ATP6V0A4: variants seen among roughly 807,000 people sequenced by gnomAD.
ATP6V0A4 encodes V-type proton ATPase 116 kDa subunit a 4.
A neutral mutation model predicts 107.3 loss-of-function variants in ATP6V0A4; 86 were observed. That is an observed-to-expected ratio of 0.80 (90% CI 0.67 to 0.96). ATP6V0A4 has a LOEUF of 0.96. Among genes scored for constraint, ATP6V0A4 ranks in the 40% least tolerant of loss-of-function variants. ATP6V0A4 has a pLI of 0.00. For missense variants in ATP6V0A4, 908 were observed against 1,045.6 expected (o/e 0.87, Z 1.81); for synonymous variants, 353 against 381.4 (o/e 0.93, Z 0.87).
At chr7:138,777,629 A>ATACACACAC (rs1554401783) in intron 2 of ATP6V0A4, among the ~76,000 whole-genome samples, 1 of 133,124 alleles carries the variant, frequency 7.5e-6, no homozygotes, top group African/African-American at 3.9e-5. Context: ...AAAAAAAAAA[A>ATACACACAC]AAATACACAC....
rs202076422 is a variant in ATP6V0A4 at position 138,757,578 on chromosome 7, A to G, written c.640-1038T>C. ...TTGGAAAAGTTATGACAAATCCAAT[A>G]GACTCATCACATACTACTCGAGGCA... is the stretch of plus-strand genomic sequence containing the variant. On this transcript the variant is annotated intron_variant, in intron 8 of 21. Coordinates refer to ENST00000310018, the MANE Select transcript of ATP6V0A4 (RefSeq NM_020632.3). Among the ~76,000 whole-genome samples the G allele has an allele frequency of 3.3e-5, 5 of 152,316 alleles. No individual in the cohort carries two copies. The East Asian group carries it at 9.6e-4, about 29-fold the overall frequency.
At chr7:138,715,731 G>A (rs1366144770) in intron 20 of ATP6V0A4, 33 bp downstream of exon 20, 3 of 1,606,328 alleles carry the variant, frequency 1.9e-6, no homozygotes, top group Non-Finnish European at 2.5e-6. Context: ...GTTGGGGAGA[G>A]CTGACTGTCC....
In ATP6V0A4 at chr7:138,768,877, G is replaced by C; in HGVS notation, c.197-3C>G. 6.2e-7 allele frequency: 1 copy of C among 1,614,048 alleles called. No individual in the cohort carries two copies. The highest frequency in any genetic ancestry group is 8.5e-7 in the Non-Finnish European group (1 of 1,179,994). ...TTGCATCTCGTCTTCCAGAAAACCT[G>C]AAGAATGAAAACCCACCAGAAACCC... On this transcript the variant is annotated splice_polypyrimidine_tract_variant and splice_region_variant and intron_variant, in intron 4 of 21. Transcript: ENST00000310018.
intron 8 of ATP6V0A4, 102 bp from the exon 9 acceptor site, chr7:138,756,642 A>G (rs1806530926): frequency 7.0e-7 from 1 of 1,438,146 alleles, no homozygotes; most frequent in Non-Finnish European, 9.4e-7. Context: ...TACACAATTC[A>G]TACATTTAAA....
intron 15 of ATP6V0A4, among the ~76,000 whole-genome samples, chr7:138,736,393 A>C (rs1399210488): frequency 6.6e-6 from 1 of 152,210 alleles, no homozygotes; most frequent in Non-Finnish European, 1.5e-5. Flanking sequence ...AAGGTAATTT[A>C]TCATAACCTC....
chr7:138,769,284 G>C (rs1563012380), intron 3 of ATP6V0A4, 33 bp from the exon 4 acceptor site: 1 of 1,583,760 alleles, frequency 6.3e-7, no homozygotes, highest in Non-Finnish European at 8.6e-7. Flanking sequence ...ATACATGTTA[G>C]TAGCAACAGC....
rs1286720189 is a variant in ATP6V0A4 at position 138,777,697 on chromosome 7, A to G, written c.-17-6433T>C. On this transcript the variant is annotated intron_variant, in intron 2 of 21. Coordinates refer to ENST00000310018, the MANE Select transcript of ATP6V0A4 (RefSeq NM_020632.3). ...TACTTTGGCTTCTGCATCTGGAAAA[A>G]GGGAGTAGAAATACTTTTTCTTCCC... 2.0e-5 allele frequency among the ~76,000 whole-genome samples: 3 copies of G among 151,960 alleles called. No homozygotes were observed. The East Asian group carries it at 5.8e-4, about 29-fold the overall frequency.
chr7:138,795,121 C>T (rs766114902), intron 1 of ATP6V0A4, among the ~76,000 whole-genome samples: 3 of 152,052 alleles, frequency 2.0e-5, no homozygotes, highest in Admixed American at 6.6e-5. Context: ...AGGCTGGTCT[C>T]GAACTCCTGA....
At position 138,763,003 on chromosome 7, in the gene ATP6V0A4, C is replaced by G. The variant is rs779102605; in HGVS notation, c.314G>C (p.Gly105Ala). ...TLETVLEKLE[G>A]ELQEANQNQQ... ...GTTCTGGTTGGCTTCCTGTAACTCT[C>G]CTTCCAGTTTTTCTAGAACAGTCTA... Residue 105 changes from glycine (G) to alanine (A), a missense_variant, in exon 6 of 22, where the codon GGA becomes GCA. Coordinates refer to ENST00000310018, the MANE Select transcript of ATP6V0A4 (RefSeq NM_020632.3). 5 of 1,614,100 alleles carry G rather than the reference C, an allele frequency of 3.1e-6. No homozygotes were observed. In the Admixed American group the frequency reaches 8.3e-5, roughly 27 times the overall value.
At chr7:138,797,663 C>A (rs758142089) in intron 1 of ATP6V0A4, among the ~76,000 whole-genome samples, 1 of 152,084 alleles carries the variant, frequency 6.6e-6, no homozygotes, top group Non-Finnish European at 1.5e-5. Flanking sequence ...ACTTCGACAG[C>A]AGGTATCTCC....
chr7:138,798,158 T>C lies in ATP6V0A4; in HGVS notation c.-245A>G. 1 of 1,600,042 alleles carries C rather than the reference T, an allele frequency of 6.2e-7. No individual in the cohort carries two copies. The highest frequency in any genetic ancestry group is 8.5e-7 in the Non-Finnish European group (1 of 1,173,850). On this transcript the variant is annotated 5_prime_UTR_variant, in exon 1 of 22. Transcript: ENST00000310018. ...CCACCCTGATCCTCAGCCTGGCCTT[T>C]GCCTCCCTCCACTCGGCTTGCTCGG...
intron 12 of ATP6V0A4, 79 bp downstream of exon 12, chr7:138,749,088 C>G: frequency 3.8e-6 from 6 of 1,567,904 alleles, no homozygotes; most frequent in Non-Finnish European, 5.3e-6. Context: ...ACAAGTTCAC[C>G]ACCTCGGTCA....
intron 11 of ATP6V0A4, among the ~76,000 whole-genome samples, chr7:138,750,132 T>G (rs1375088066): frequency 6.6e-6 from 1 of 152,250 alleles, no homozygotes; most frequent in Non-Finnish European, 1.5e-5. Flanking sequence ...AGTCTTGTGA[T>G]CAAGACTACT....
intron 20 of ATP6V0A4, among the ~76,000 whole-genome samples, chr7:138,714,672 C>T (rs1405579645): frequency 6.6e-6 from 1 of 152,182 alleles, no homozygotes; most frequent in Non-Finnish European, 1.5e-5. Flanking sequence ...AGGTGGTGAG[C>T]ACTTCCTGAG....
At chr7:138,748,076 C>T (rs1184560758) in intron 12 of ATP6V0A4, among the ~76,000 whole-genome samples, 2 of 151,986 alleles carry the variant, frequency 1.3e-5, no homozygotes, top group African/African-American at 4.8e-5. Flanking sequence ...CATTCTTATT[C>T]CCCACTTTAC....
At chr7:138,717,550 G>T (rs2117197779) in intron 19 of ATP6V0A4, among the ~76,000 whole-genome samples, 1 of 150,624 alleles carries the variant, frequency 6.6e-6, no homozygotes, top group South Asian at 2.1e-4. Flanking sequence ...TCTAAAAAAA[G>T]AAAAAGAAAA....
intron 12 of ATP6V0A4, chr7:138,747,823 T>G (rs573410905): frequency 4.4e-6 from 2 of 452,620 alleles, no homozygotes; most frequent in Non-Finnish European, 8.0e-6. Context: ...GGCACAATCA[T>G]GGCTCACTGC....
At chr7:138,743,238 A>T (rs575386987) in intron 14 of ATP6V0A4, among the ~76,000 whole-genome samples, 92 of 152,114 alleles carry the variant, frequency 6.0e-4, no homozygotes, top group African/African-American at 2.1e-3. Flanking sequence ...CAGGTGGATC[A>T]ATTCAGGCCA....
At chr7:138,778,316 G>A (rs1403464034) in intron 2 of ATP6V0A4, among the ~76,000 whole-genome samples, 2 of 126,914 alleles carry the variant, frequency 1.6e-5, no homozygotes, top group African/African-American at 2.9e-5. Flanking sequence ...AGCCAAGATC[G>A]CGCCACTGCA....
Sources: gnomAD v4.1 joint callset for allele counts (sites outside exome capture counted in the v4.1 genomes callset) on GRCh38, gnomAD v4.1.1 for gene constraint, MANE v1.5 for transcripts, NCBI Gene and HGNC (gene_info 2026-07-23, HGNC 2026-07-21) for gene names.